TANC1: variants seen among roughly 807,000 people sequenced by gnomAD.
The protein encoded by TANC1 is tetratricopeptide repeat, ankyrin repeat and coiled-coil containing 1.
A neutral mutation model predicts 149.7 loss-of-function variants in TANC1; 77 were observed. The ratio of observed to expected loss-of-function variants is 0.51; its 90% CI spans 0.43 to 0.62. The LOEUF (loss-of-function observed/expected upper bound fraction) is 0.62, where lower values mean the gene tolerates loss of function less well. Among genes scored for constraint, TANC1 ranks in the 20% least tolerant of loss-of-function variants. TANC1 has a pLI of 0.00. For missense variants in TANC1, 1,985 were observed against 2,321.8 expected, an observed-to-expected ratio of 0.85 and a Z score of 2.98; for synonymous variants, 854 against 925.0, an observed-to-expected ratio of 0.92 and a Z score of 1.39.
At chr2:158,973,470 A>G (rs1197879283) in intron 1 of TANC1, among the ~76,000 whole-genome samples, 1 of 152,192 alleles carries the variant, frequency 6.6e-6, no homozygotes, top group East Asian at 1.9e-4. Context: ...AAGAAATATG[A>G]AAAAGATCAT....
At chr2:158,979,921 C>A (rs148030280) in intron 1 of TANC1, among the ~76,000 whole-genome samples, 256 of 152,196 alleles carry the variant, frequency 1.7e-3, no homozygotes, top group African/African-American at 5.8e-3. Flanking sequence ...CAAAAGACAT[C>A]AAAACAGTGA....
At chr2:159,004,102 C>G (rs1226541351) in intron 2 of TANC1, 2 of 1,611,186 alleles carry the variant, frequency 1.2e-6, no homozygotes, top group East Asian at 2.2e-5. Context: ...TTTGCAATTA[C>G]TGGTCATGCA....
chr2:159,027,699 A>C (rs1270141853), intron 2 of TANC1, among the ~76,000 whole-genome samples: 1 of 152,192 alleles, frequency 6.6e-6, no homozygotes, highest in African/African-American at 2.4e-5. Context: ...ATTTTCAGCT[A>C]TCTGTTATAG....
At position 159,230,185 on chromosome 2, in the gene TANC1, A is replaced by G. The variant is rs199998269; in HGVS notation, c.4759A>G (p.Thr1587Ala). Residue 1587 changes from threonine (T) to alanine (A), a missense_variant, in exon 27 of 27, where the codon ACT (threonine) becomes GCT (alanine). Physicochemically the swap from Thr to Ala is moderately conservative, Grantham distance 58. Transcript: ENST00000263635. This position sits in a 1 kb window ranked among gnomAD's most constrained non-coding sequence, Gnocchi z 4.4. ...SRTQHLEGTG[T>A]FTTRAGCGHF... ...AACCCAGCATTTAGAGGGAACAGGT[A>G]CTTTCACTACAAGAGCTGGTTGTGG... The G allele has an allele frequency of 7.3e-5, 118 of 1,613,890 alleles. 1 individual carries two copies. The highest frequency in any genetic ancestry group is 9.9e-5 in the Non-Finnish European group (117 of 1,180,010).
intron 4 of TANC1, among the ~76,000 whole-genome samples, chr2:159,123,579 G>C (rs2049081592): frequency 6.6e-6 from 1 of 152,118 alleles, no homozygotes; most frequent in Admixed American, 6.5e-5. Context: ...AAATGAAATG[G>C]AATTCTGTGG....
chr2:159,004,127 C>T, intron 2 of TANC1: 3 of 1,612,156 alleles, frequency 1.9e-6, no homozygotes, highest in Non-Finnish European at 2.5e-6. Flanking sequence ...CCAAACCAAT[C>T]ACAGAAATGC....
At chr2:159,179,213 T>C (rs1198551277) in intron 14 of TANC1, 50 bp downstream of exon 14, 3 of 1,559,118 alleles carry the variant, frequency 1.9e-6, no homozygotes, top group Non-Finnish European at 2.6e-6. Flanking sequence ...TCGTGTGCAG[T>C]TGGGGAAAGG....
intron 2 of TANC1, among the ~76,000 whole-genome samples, chr2:159,027,768 A>T (rs1159389545): frequency 6.6e-6 from 1 of 152,194 alleles, no homozygotes; most frequent in Non-Finnish European, 1.5e-5. Flanking sequence ...CTATAACTGA[A>T]TGCCACCTTC....
chr2:159,109,547 TCTTC>T (rs1328512377), intron 4 of TANC1, among the ~76,000 whole-genome samples: 4 of 152,218 alleles, frequency 2.6e-5, no homozygotes, highest in African/African-American at 7.2e-5. Flanking sequence ...ATACGGTAGT[TCTTC>T]CTTATCTGTG....
At chr2:159,136,033 T>TGTGTGTGTGTGTGCGC (rs1559325840) in intron 4 of TANC1, among the ~76,000 whole-genome samples, 161 bp from the exon 5 acceptor site, 3 of 61,426 alleles carry the variant, frequency 4.9e-5, no homozygotes, top group Non-Finnish European at 1.3e-4. Context: ...TGTGTGTGTG[T>TGTGTGTGTGTGTGCGC]GTGTGTGTGT....
intron 4 of TANC1, among the ~76,000 whole-genome samples, chr2:159,118,897 A>G (rs1453028077): frequency 6.6e-6 from 1 of 152,216 alleles, no homozygotes; most frequent in Non-Finnish European, 1.5e-5. Context: ...AAAGAAAAAG[A>G]GAAGCTACCT....
rs1244808382 is a variant in TANC1 at position 159,172,102 on chromosome 2, A to G, written c.1352-19A>G. 2 of 1,611,968 alleles carry G rather than the reference A, an allele frequency of 1.2e-6. No individual in the cohort carries two copies. The highest frequency in any genetic ancestry group is 2.7e-5 in the African/African-American group (2 of 74,850). On this transcript the variant is annotated intron_variant, in intron 10 of 26. Coordinates refer to ENST00000263635, the MANE Select transcript of TANC1 (RefSeq NM_033394.3). ...GCTCCTACTGTGATGTACATAATGA[A>G]ATGGGTCTTTCTCTGCAGCCTCTGA...
chr2:159,214,924 T>C (rs141186240), intron 19 of TANC1, among the ~76,000 whole-genome samples: 1 of 152,278 alleles, frequency 6.6e-6, no homozygotes, highest in East Asian at 1.9e-4. Context: ...TGGTGAGGAA[T>C]AGGGCGTGGA....
chr2:158,985,383 T>C (rs1342865296), intron 1 of TANC1, among the ~76,000 whole-genome samples: 1 of 152,134 alleles, frequency 6.6e-6, no homozygotes, highest in African/African-American at 2.4e-5. Flanking sequence ...TTTCAACAAA[T>C]GAAGCTTTAA....
intron 4 of TANC1, among the ~76,000 whole-genome samples, chr2:159,109,372 A>C (rs2047500234): frequency 1.3e-5 from 2 of 152,186 alleles, no homozygotes; most frequent in South Asian, 4.1e-4. Flanking sequence ...GTCCCCCCAA[A>C]ATTGATGTTG....
intron 2 of TANC1, among the ~76,000 whole-genome samples, chr2:159,040,203 G>T (rs924856017): frequency 1.6e-4 from 25 of 152,098 alleles, no homozygotes; most frequent in African/African-American, 6.0e-4. Context: ...CCATTTGCTT[G>T]GTAGATCTTC....
At chr2:159,038,610 A>T (rs2040389328) in intron 2 of TANC1, among the ~76,000 whole-genome samples, 1 of 152,122 alleles carries the variant, frequency 6.6e-6, no homozygotes, top group Non-Finnish European at 1.5e-5. Flanking sequence ...TGAGATAATC[A>T]TGTGGTTTTT....
In TANC1 at chr2:159,066,091, C is replaced by T. The variant is rs140685015; in HGVS notation, c.61+120C>T. Reference sequence around the variant, plus strand: ...TCAGAGAGGGTTACCTGGGTTAGAACAAACAGTGTGCTGGAGGCTATGAGA... The same window carrying T: ...TCAGAGAGGGTTACCTGGGTTAGAATAAACAGTGTGCTGGAGGCTATGAGA... On this transcript the variant is annotated intron_variant, in intron 3 of 26. Coordinates refer to ENST00000263635, the MANE Select transcript of TANC1 (RefSeq NM_033394.3). The T allele has an allele frequency of 1.8e-4, 139 of 785,530 alleles. No homozygotes were observed. The East Asian group carries it at 3.3e-3, about 19-fold the overall frequency. 48.7% of individuals were successfully genotyped at this position (785,530 alleles called of 1,614,324 possible).
chr2:159,097,642 G>T lies in TANC1; in HGVS notation c.67G>T (p.Asp23Tyr). The T allele has an allele frequency of 6.2e-7, 1 of 1,613,460 alleles. No individual in the cohort carries two copies. The highest frequency in any genetic ancestry group is 1.1e-5 in the South Asian group (1 of 91,048). The change falls in exon 4 of 27, where the codon GAC becomes TAC. Residue 23 changes from aspartate to tyrosine, a missense_variant. Physicochemically the swap from Asp to Tyr is radical, Grantham distance 160. Around this residue, in one of 3 missense-constraint regions of TANC1, gnomAD observed 557 missense variants for 612.9 expected, o/e 0.91. Coordinates refer to ENST00000263635, the MANE Select transcript of TANC1 (RefSeq NM_033394.3). ...GKGGKKEAGS[D>Y]FGPETSPVLH... Reference sequence around the variant, plus strand: ...GTATTCTCTCTCTACTCTAGGAAGTGACTTTGGTCCAGAGACTTCTCCAGT... The same window carrying T: ...GTATTCTCTCTCTACTCTAGGAAGTTACTTTGGTCCAGAGACTTCTCCAGT...
Sources: gnomAD v4.1 joint callset for allele counts (sites outside exome capture counted in the v4.1 genomes callset) on GRCh38, gnomAD v4.1.1 for gene constraint, gnomAD v4.1.1 regional missense constraint, Gnocchi (gnomAD v3.1) non-coding constraint, MANE v1.5 for transcripts, NCBI Gene and HGNC (gene_info 2026-07-23, HGNC 2026-07-21) for gene names.